Variants in DPP8 observed in about 807,000 individuals in gnomAD.
DPP8 encodes the protein dipeptidyl peptidase 8, also known as DPP VIII.
In DPP8, 31 loss-of-function variants were observed where a neutral mutation model predicts 107.5. That is an observed-to-expected ratio of 0.29 (90% CI 0.22 to 0.39). The LOEUF (loss-of-function observed/expected upper bound fraction) is 0.39, where lower values mean the gene tolerates loss of function less well. Ranked by LOEUF, DPP8 falls within the 10% of genes least tolerant of loss-of-function variation. The pLI, the probability that DPP8 is intolerant of heterozygous loss-of-function variation, is 1.00. For missense variants in DPP8, 842 were observed against 1,076.1 expected, an observed-to-expected ratio of 0.78 and a Z score of 3.04; for synonymous variants, 381 against 356.6, an observed-to-expected ratio of 1.07 and a Z score of -0.77.
chr15:65,470,919 C>CAAAAAAAAAAAA (rs773144225), intron 12 of DPP8, among the ~76,000 whole-genome samples: 1 of 110,768 alleles, frequency 9.0e-6, no homozygotes, highest in East Asian at 2.7e-4. Flanking sequence ...ACTCTTATCT[C>CAAAAAAAAAAAA]AAAAAAAAAA....
At chr15:65,471,741 G>A (rs1420009363) in intron 12 of DPP8, among the ~76,000 whole-genome samples, 1 of 152,106 alleles carries the variant, frequency 6.6e-6, no homozygotes, top group East Asian at 1.9e-4. Context: ...CTCGACACTG[G>A]CCTCCCAAAG....
chr15:65,479,150 T>C, intron 10 of DPP8, 111 bp from the exon 11 acceptor site: 1 of 695,010 alleles, frequency 1.4e-6, no homozygotes, highest in Non-Finnish European at 2.2e-6. Flanking sequence ...TAAATAACCA[T>C]CAATGCCAAA....
At chr15:65,480,072 C>A in intron 10 of DPP8, 150 bp downstream of exon 10, 1 of 618,156 alleles carries the variant, frequency 1.6e-6, no homozygotes, top group Non-Finnish European at 2.7e-6. Context: ...CATTCTGGAA[C>A]CATCACTCCA....
chr15:65,460,607 C>T (rs993646980), intron 15 of DPP8, among the ~76,000 whole-genome samples: 1 of 152,224 alleles, frequency 6.6e-6, no homozygotes, highest in Non-Finnish European at 1.5e-5. Flanking sequence ...ATAATTATTT[C>T]ACTTAGCATA....
At chr15:65,473,176 T>C (rs2066058119) in intron 12 of DPP8, among the ~76,000 whole-genome samples, 1 of 151,552 alleles carries the variant, frequency 6.6e-6, no homozygotes, top group African/African-American at 2.4e-5. Flanking sequence ...AATACAAAAA[T>C]TAGCCGGGCA....
intron 4 of DPP8, among the ~76,000 whole-genome samples, chr15:65,499,105 G>GTATATATA (rs139177822): frequency 4.9e-4 from 68 of 138,828 alleles, no homozygotes; most frequent in African/African-American, 1.7e-3. Context: ...GTGTGTGTGT[G>GTATATATA]TATATATAAA....
At chr15:65,500,461 A>G (rs2069099144) in intron 4 of DPP8, 145 bp downstream of exon 4, 1 of 642,892 alleles carries the variant, frequency 1.6e-6, no homozygotes, top group Non-Finnish European at 2.7e-6. Flanking sequence ...ACCAATCTCC[A>G]TGTTTCTTGT....
At chr15:65,466,464 C>G (rs2065360408) in intron 14 of DPP8, among the ~76,000 whole-genome samples, 1 of 152,180 alleles carries the variant, frequency 6.6e-6, no homozygotes, top group Middle Eastern at 3.4e-3. Context: ...AAAGGCCTTC[C>G]AGACTTGCTG....
intron 14 of DPP8, 107 bp downstream of exon 14, chr15:65,466,571 G>A (rs1050978510): frequency 1.0e-6 from 1 of 1,000,300 alleles, no homozygotes; most frequent in Non-Finnish European, 1.5e-6. Context: ...ACAGGCAGTG[G>A]TGAGAGATGG....
intron 15 of DPP8, among the ~76,000 whole-genome samples, chr15:65,459,813 G>A (rs904209571): frequency 4.6e-5 from 7 of 152,056 alleles, no homozygotes; most frequent in Non-Finnish European, 8.8e-5. Context: ...AAATTAGCCA[G>A]GTATGGTGCT....
intron 12 of DPP8, among the ~76,000 whole-genome samples, chr15:65,469,143 T>C (rs1238854313): frequency 6.6e-6 from 1 of 151,846 alleles, no homozygotes; most frequent in African/African-American, 2.4e-5. Context: ...GCCTGGCTAA[T>C]TTTGTATTTT....
At chr15:65,471,751 G>T (rs1462527085) in intron 12 of DPP8, among the ~76,000 whole-genome samples, 1 of 152,170 alleles carries the variant, frequency 6.6e-6, no homozygotes, top group African/African-American at 2.4e-5. Flanking sequence ...GCCTCCCAAA[G>T]TGTTGGGACT....
At chr15:65,448,871 T>C (rs1271845666) in intron 19 of DPP8, among the ~76,000 whole-genome samples, 1,087 of 5,146 alleles carry the variant, frequency 0.21, 96 homozygotes, top group African/African-American at 0.32. Flanking sequence ...CTAAAATATA[T>C]ATATATATAT....
In DPP8 at chr15:65,446,142, A is replaced by T. The variant is rs1406922760; in HGVS notation, c.*742T>A. ...ATTTGATTAAAAATTTTCTGCCTGTAATTATCAATATCATGACTAATTAAA... is the reference window on the plus strand; with the variant it reads ...ATTTGATTAAAAATTTTCTGCCTGTTATTATCAATATCATGACTAATTAAA... On this transcript the variant is annotated 3_prime_UTR_variant, in exon 20 of 20. Coordinates refer to ENST00000300141, the MANE Select transcript of DPP8 (RefSeq NM_130434.5). 6.6e-6 allele frequency: 1 copy of T among 152,094 alleles called. No homozygotes were observed. Among genetic ancestry groups the T allele is most frequent in the Admixed American group, 6.6e-5 (1 of 15,254 alleles). The allele number at this position is 152,094 out of a possible 1,614,324, so 9.4% of individuals were successfully genotyped here. A position where few individuals can be genotyped will look rare whatever the true frequency, so the allele number is the denominator to read the frequency against.
At chr15:65,512,599 T>A in intron 1 of DPP8, 35 bp from the exon 2 acceptor site, 1 of 1,606,824 alleles carries the variant, frequency 6.2e-7, no homozygotes, top group Non-Finnish European at 8.5e-7. Context: ...TGTTCACGGG[T>A]CTATCTTCTA....
At chr15:65,500,873 CTTTTTTTT>C (rs781459910) in intron 3 of DPP8, 94 bp from the exon 4 acceptor site, 3 of 328,896 alleles carry the variant, frequency 9.1e-6, no homozygotes, top group Admixed American at 4.8e-5. Context: ...ATTATTGACT[CTTTTTTTT>C]TTTTTTTTTT....
intron 6 of DPP8, among the ~76,000 whole-genome samples, chr15:65,489,580 ATTT>A (rs67109112): frequency 1.3e-4 from 16 of 125,524 alleles, no homozygotes; most frequent in South Asian, 2.6e-4. Flanking sequence ...TGCCCAGCTA[ATTT>A]TTTTTTTTTT....
At position 65,466,762 on chromosome 15, in the gene DPP8, C is replaced by T; in HGVS notation, c.1741G>A (p.Val581Met). ...KYSNQKNPHC[V>M]SLYKLSSPED... is the part of the protein sequence containing the mutation. ...GGACTTGATAGCTTGTAAAGGGACA[C>T]ACAGTGTGGATTCTTCTGGTTACTA... The change falls in exon 14 of 20, where the codon GTG becomes ATG. Residue 581 changes from valine to methionine, a missense_variant. By Grantham distance (21) the Val-to-Met change is conservative. This residue lies in a region of DPP8 where 663 missense variants were observed against 758.0 expected (regional missense o/e 0.87). Transcript: ENST00000300141. 1 of 1,613,934 alleles carries T rather than the reference C, an allele frequency of 6.2e-7. No homozygotes were observed. Among genetic ancestry groups the T allele is most frequent in the Non-Finnish European group, 8.5e-7 (1 of 1,179,848 alleles).
At chr15:65,484,756 T>C (rs938566015) in intron 8 of DPP8, among the ~76,000 whole-genome samples, 3 of 151,606 alleles carry the variant, frequency 2.0e-5, no homozygotes, top group Non-Finnish European at 4.4e-5. Context: ...AAAGCAGAAG[T>C]ACAAATTAAC....
Sources: allele counts gnomAD v4.1 joint callset (sites outside exome capture counted in the v4.1 genomes callset), GRCh38; gene constraint gnomAD v4.1.1; regional missense constraint gnomAD v4.1.1; transcripts MANE v1.5; gene names NCBI Gene and HGNC (gene_info 2026-07-23, HGNC 2026-07-21).